COPS2: variants seen among roughly 807,000 people sequenced by gnomAD.
COPS2 encodes COP9 signalosome complex subunit 2.
COPS2 carries 10 observed loss-of-function variants against 66.1 expected under a neutral mutation model. The observed-to-expected ratio is 0.15, with a 90% CI of 0.09 to 0.26. The LOEUF is 0.26. Among genes scored for constraint, COPS2 ranks in the 10% least tolerant of loss-of-function variants. The pLI is 1.00. For missense variants in COPS2, 215 were observed against 513.3 expected (o/e 0.42, Z 5.62); for synonymous variants, 179 against 171.3 (o/e 1.04, Z -0.35).
chr15:49,134,038 G>A lies in COPS2; in HGVS notation c.786C>T (p.Phe262=), dbSNP rs185523768. 9.9e-6 allele frequency: 16 copies of A among 1,613,718 alleles called. No homozygotes were observed. Among genetic ancestry groups the A allele is most frequent in the African/African-American group, 4.0e-5 (3 of 74,884 alleles). Residue 262 remains phenylalanine, a synonymous_variant, in exon 8 of 13, where the codon TTC becomes TTT. Coordinates refer to ENST00000388901, the MANE Select transcript of COPS2 (RefSeq NM_004236.4). ...GACTTCCAGATTCATCATAATTCTT[G>A]AAGGCTTCAAAAAAATCAGTGTGTG... is the stretch of plus-strand genomic sequence containing the variant. The part of the protein sequence containing the change: ...EKAHTDFFEA[F]KNYDESGSPR...
At chr15:49,130,229 CA>C (rs2084198141) in intron 10 of COPS2, among the ~76,000 whole-genome samples, 1 of 152,082 alleles carries the variant, frequency 6.6e-6, no homozygotes, top group Admixed American at 6.5e-5. Flanking sequence ...AGTCCAAGAG[CA>C]AAGAGATGAT....
chr15:49,155,545 C>G lies in COPS2; in HGVS notation c.34G>C (p.Asp12His). The change falls in exon 1 of 13, where the codon GAT becomes CAT. Residue 12 changes from aspartate to histidine, a missense_variant. Asp to His is a moderately conservative substitution (Grantham distance 81). Transcript: ENST00000388901. ...SDMEDDFMCD[D>H]EEDYDLEYSE... Reference sequence around the variant, plus strand: ...CTCACCAGGTCGTAGTCCTCCTCATCATCGCACATGAAATCATCCTCCATG... The same window carrying G: ...CTCACCAGGTCGTAGTCCTCCTCATGATCGCACATGAAATCATCCTCCATG... 6.2e-7 allele frequency: 1 copy of G among 1,614,240 alleles called. No individual in the cohort carries two copies. Among genetic ancestry groups the G allele is most frequent in the South Asian group, 1.1e-5 (1 of 91,090 alleles).
intron 1 of COPS2, among the ~76,000 whole-genome samples, chr15:49,153,065 T>C (rs2084373708): frequency 6.6e-6 from 1 of 152,218 alleles, no homozygotes; most frequent in African/African-American, 2.4e-5. Context: ...AACAGACTAT[T>C]GCTTAGGAAA....
chr15:49,144,217 C>G lies in COPS2; in HGVS notation c.246+10G>C. 1.3e-6 allele frequency: 2 copies of G among 1,575,892 alleles called. No homozygotes were observed. Among genetic ancestry groups the G allele is most frequent in the Non-Finnish European group, 1.7e-6 (2 of 1,146,712 alleles). Reference sequence around the variant, plus strand: ...TTTATTAGTTTAATTCCCCTCAAAACAAATCTTACCAACTTGAAGTTAATC... The same window carrying G: ...TTTATTAGTTTAATTCCCCTCAAAAGAAATCTTACCAACTTGAAGTTAATC... On this transcript the variant is annotated intron_variant, in intron 3 of 12. Transcript: ENST00000388901.
intron 6 of COPS2, 89 bp downstream of exon 6, chr15:49,137,061 C>A: frequency 2.7e-6 from 2 of 750,306 alleles, no homozygotes; most frequent in South Asian, 1.9e-5. Flanking sequence ...TAAACTAAAA[C>A]ATCCCTAAAC....
At position 49,123,563 on chromosome 15, in the gene COPS2, A is replaced by G. The variant is rs2084140939; in HGVS notation, c.*4387T>C. 1 of 152,252 alleles carries G rather than the reference A, an allele frequency of 6.6e-6. No homozygotes were observed. The highest frequency in any genetic ancestry group is 2.4e-5 in the African/African-American group (1 of 41,462). 9.4% of individuals were successfully genotyped at this position (152,252 alleles called of 1,614,324 possible). A position where few individuals can be genotyped will look rare whatever the true frequency, so the allele number is the denominator to read the frequency against. On this transcript the variant is annotated 3_prime_UTR_variant, in exon 13 of 13. Coordinates refer to ENST00000388901, the MANE Select transcript of COPS2 (RefSeq NM_004236.4). ...TTTCACTTATTACATATGTATACAT[A>G]TGCACACAAAAAAGTTTTGGTCAGC...
At chr15:49,149,140 A>G (rs1345316653) in intron 1 of COPS2, among the ~76,000 whole-genome samples, 1 of 152,164 alleles carries the variant, frequency 6.6e-6, no homozygotes, top group Non-Finnish European at 1.5e-5. Context: ...AAAATAAAAA[A>G]ACCCCCTAAA....
At chr15:49,129,649 A>C in intron 10 of COPS2, 90 bp from the exon 11 acceptor site, 1 of 546,578 alleles carries the variant, frequency 1.8e-6, no homozygotes, top group Non-Finnish European at 3.0e-6. Context: ...ATCTTCTCAA[A>C]ATACATCTTC....
At chr15:49,150,406 T>C (rs2084351861) in intron 1 of COPS2, among the ~76,000 whole-genome samples, 1 of 152,180 alleles carries the variant, frequency 6.6e-6, no homozygotes, top group Admixed American at 6.5e-5. Context: ...ACATTTATAT[T>C]GAATACATGT....
At position 49,137,156 on chromosome 15, in the gene COPS2, C is replaced by A; in HGVS notation, c.534G>T (p.Ser178=). The A allele has an allele frequency of 6.3e-7, 1 of 1,590,642 alleles. No homozygotes were observed. The highest frequency in any genetic ancestry group is 8.6e-7 in the Non-Finnish European group (1 of 1,169,272). The change falls in exon 6 of 13, where the codon TCG becomes TCT. Residue 178 remains serine (S), a synonymous_variant. Coordinates refer to ENST00000388901, the MANE Select transcript of COPS2 (RefSeq NM_004236.4). ...AAAAATAAGGGAAAGCTACCTGGCACGACTGATGTAACTGGCGTAAAATTT... is the reference window on the plus strand; with the variant it reads ...AAAAATAAGGGAAAGCTACCTGGCAAGACTGATGTAACTGGCGTAAAATTT... ...LQKILRQLHQ[S]CQTDDGEDDL...
chr15:49,154,746 A>C (rs1391544691), intron 1 of COPS2, among the ~76,000 whole-genome samples: 1 of 152,176 alleles, frequency 6.6e-6, no homozygotes, highest in Non-Finnish European at 1.5e-5. Flanking sequence ...GAATCTTTAA[A>C]AATCTCCATT....
At chr15:49,130,587 G>A in intron 10 of COPS2, 132 bp downstream of exon 10, 1 of 468,598 alleles carries the variant, frequency 2.1e-6, no homozygotes. Context: ...TCCAATGACA[G>A]CATTTAGAAA....
At chr15:49,144,127 A>C in intron 3 of COPS2, 100 bp downstream of exon 3, 1 of 793,420 alleles carries the variant, frequency 1.3e-6, no homozygotes, top group Non-Finnish European at 2.1e-6. Flanking sequence ...AAACACATCC[A>C]AAGAAGTACT....
At chr15:49,153,018 C>G (rs932900957) in intron 1 of COPS2, among the ~76,000 whole-genome samples, 3 of 152,196 alleles carry the variant, frequency 2.0e-5, no homozygotes, top group Non-Finnish European at 4.4e-5. Context: ...CAAAGATGAT[C>G]ATCAGCTTGA....
At chr15:49,144,394 T>C (rs986710182) in intron 2 of COPS2, 90 bp from the exon 3 acceptor site, 1 of 723,696 alleles carries the variant, frequency 1.4e-6, no homozygotes, top group Non-Finnish European at 2.4e-6. Context: ...ATTAATTTTA[T>C]ACTATATGCA....
At chr15:49,144,127 A>G in intron 3 of COPS2, 100 bp downstream of exon 3, 2 of 793,420 alleles carry the variant, frequency 2.5e-6, no homozygotes, top group Non-Finnish European at 4.3e-6. Context: ...AAACACATCC[A>G]AAGAAGTACT....
chr15:49,126,350 A>T lies in COPS2; in HGVS notation c.*1600T>A, dbSNP rs1322749091. On this transcript the variant is annotated 3_prime_UTR_variant, in exon 13 of 13. Transcript: ENST00000388901. Reference sequence around the variant, plus strand: ...GATTATATATTTTTAGTATAAATATATATCACATATTTTCGTAAAATTTTG... The same window carrying T: ...GATTATATATTTTTAGTATAAATATTTATCACATATTTTCGTAAAATTTTG... The T allele has an allele frequency of 6.6e-6, 1 of 152,424 alleles. No individual in the cohort carries two copies. The highest frequency in any genetic ancestry group is 1.5e-5 in the Non-Finnish European group (1 of 67,928). 9.4% of individuals were successfully genotyped at this position (152,424 alleles called of 1,614,324 possible).
chr15:49,153,885 G>A (rs917173913), intron 1 of COPS2, among the ~76,000 whole-genome samples: 4 of 152,132 alleles, frequency 2.6e-5, no homozygotes, highest in South Asian at 4.1e-4. Context: ...GTTGTGGGGG[G>A]AAGAGGAGTG....
Position 49,137,139 on chromosome 15 carries a change from G to C in COPS2, c.540+11C>G. On this transcript the variant is annotated intron_variant, in intron 6 of 12. Coordinates refer to ENST00000388901, the MANE Select transcript of COPS2 (RefSeq NM_004236.4). ...TGAAGAAATATTCAGAAAAAAATAA[G>C]GGAAAGCTACCTGGCACGACTGATG... is the stretch of plus-strand genomic sequence containing the variant. The C allele has an allele frequency of 6.5e-7, 1 of 1,540,978 alleles. No homozygotes were observed. The highest frequency in any genetic ancestry group is 8.8e-7 in the Non-Finnish European group (1 of 1,141,208).
Sources: gnomAD v4.1 joint callset for allele counts (sites outside exome capture counted in the v4.1 genomes callset) on GRCh38, gnomAD v4.1.1 for gene constraint, MANE v1.5 for transcripts, NCBI Gene and HGNC (gene_info 2026-07-23, HGNC 2026-07-21) for gene names.